Variants in TTC3 observed in about 807,000 individuals in gnomAD.
TTC3 encodes E3 ubiquitin-protein ligase TTC3.
A neutral mutation model predicts 249.6 loss-of-function variants in TTC3; 180 were observed. The observed-to-expected ratio is 0.72, with a 90% CI of 0.64 to 0.82. TTC3 has a LOEUF of 0.82. Ranked by LOEUF, TTC3 falls within the 40% of genes least tolerant of loss-of-function variation. TTC3 has a pLI of 0.00. For missense variants in TTC3, 2,061 were observed against 2,398.4 expected, an observed-to-expected ratio of 0.86 and a Z score of 2.94; for synonymous variants, 717 against 805.0, an observed-to-expected ratio of 0.89 and a Z score of 1.85.
intron 41 of TTC3, chr21:37,193,776 TG>T (rs1290265227): frequency 2.6e-5 from 4 of 152,208 alleles, no homozygotes; most frequent in Admixed American, 2.6e-4. Context: ...CACATGGACT[TG>T]GGGAAAGGCA....
chr21:37,075,166 C>CTTT (rs11418024), intron 1 of TTC3, among the ~76,000 whole-genome samples: 2 of 138,280 alleles, frequency 1.4e-5, no homozygotes, highest in Non-Finnish European at 3.1e-5. Context: ...TTGCAACTTG[C>CTTT]TTTTTTTTTT....
intron 1 of TTC3, among the ~76,000 whole-genome samples, chr21:37,080,422 C>G (rs2071478026): frequency 6.6e-6 from 1 of 150,696 alleles, no homozygotes; most frequent in Admixed American, 6.6e-5. Flanking sequence ...ATTATTAGAA[C>G]TGTTCTGTGT....
intron 1 of TTC3, among the ~76,000 whole-genome samples, chr21:37,078,257 C>T (rs9975168): frequency 0.46 from 69,283 of 151,838 alleles, 16,325 homozygotes; most frequent in Non-Finnish European, 0.52. Context: ...ATAGTTTTAC[C>T]TGAAATCTCG....
In TTC3 at chr21:37,079,517, G is replaced by GTTTTTTTT. The variant is rs60361476; in HGVS notation, c.-12+6180_-12+6187dup. On this transcript the variant is annotated intron_variant, in intron 1 of 45. Coordinates refer to ENST00000355666, the Ensembl canonical transcript of TTC3. ...GTCCTTTCATCAAGTTTATGGTATG[G>GTTTTTTTT]TTTTTTTTTTTTTTTTTTTTTTTTT... Among the ~76,000 whole-genome samples the GTTTTTTTT allele has an allele frequency of 2.0e-4, 18 of 91,222 alleles. 1 individual carries two copies. The highest frequency in any genetic ancestry group is 3.9e-4 in the South Asian group (1 of 2,562). 59.8% of individuals were successfully genotyped at this position (91,222 alleles called of 152,430 possible).
At chr21:37,186,198 T>C (rs2083253447) in intron 37 of TTC3, 1 of 153,636 alleles carries the variant, frequency 6.5e-6, no homozygotes, top group Admixed American at 6.5e-5. Context: ...AAAGTTTCCT[T>C]TTAACCCTTG....
intron 1 of TTC3, among the ~76,000 whole-genome samples, chr21:37,085,636 C>G (rs894903780): frequency 2.0e-5 from 3 of 152,200 alleles, no homozygotes; most frequent in Admixed American, 6.5e-5. Context: ...AGGTAGTGAT[C>G]TGAGGTGTCC....
chr21:37,135,395 A>G (rs1341502689), exon 18 of TTC3: 1 of 1,611,402 alleles, frequency 6.2e-7, no homozygotes, highest in Non-Finnish European at 8.5e-7. Flanking sequence ...TGCTAATATA[A>G]TGAAAATGCT....
intron 11 of TTC3, among the ~76,000 whole-genome samples, chr21:37,113,539 T>C (rs1177224220): frequency 6.6e-6 from 1 of 152,066 alleles, no homozygotes; most frequent in Admixed American, 6.6e-5. Context: ...TAAAAGAGGA[T>C]ACAAACAAAT....
intron 1 of TTC3, among the ~76,000 whole-genome samples, chr21:37,085,044 G>A (rs1343576959): frequency 6.6e-6 from 1 of 152,002 alleles, no homozygotes; most frequent in African/African-American, 2.4e-5. Context: ...ATATACCCCA[G>A]TGTCGTAATT....
intron 9 of TTC3, 124 bp downstream of exon 9, chr21:37,095,568 T>C: frequency 1.6e-6 from 1 of 633,570 alleles, no homozygotes; most frequent in Non-Finnish European, 2.6e-6. Context: ...AGAATAGATT[T>C]TCTCATCCTT....
chr21:37,095,528 G>T, intron 9 of TTC3, 84 bp downstream of exon 9: 2 of 888,112 alleles, frequency 2.3e-6, no homozygotes, highest in Non-Finnish European at 3.4e-6. Flanking sequence ...AAACAAGACG[G>T]AGAATTGGAG....
intron 10 of TTC3, among the ~76,000 whole-genome samples, chr21:37,104,746 G>A (rs1270587572): frequency 6.6e-6 from 1 of 152,186 alleles, no homozygotes; most frequent in Non-Finnish European, 1.5e-5. Flanking sequence ...TTGTAGATGT[G>A]GGTGAGACTG....
intron 13 of TTC3, among the ~76,000 whole-genome samples, chr21:37,123,850 G>A (rs896751678): frequency 7.9e-5 from 12 of 151,892 alleles, no homozygotes; most frequent in African/African-American, 2.9e-4. Flanking sequence ...CCGGGTTCAA[G>A]CGATTCTCCT....
intron 36 of TTC3, among the ~76,000 whole-genome samples, chr21:37,183,282 GATGATTAT>G (rs2082923143): frequency 6.6e-6 from 1 of 152,116 alleles, no homozygotes; most frequent in Non-Finnish European, 1.5e-5. Context: ...AAGATTCTGT[GATGATTAT>G]TTATAATTAC....
At chr21:37,127,405 C>T (rs1406350642) in intron 15 of TTC3, among the ~76,000 whole-genome samples, 2 of 152,070 alleles carry the variant, frequency 1.3e-5, no homozygotes, top group South Asian at 2.1e-4. Flanking sequence ...CGCAGAACCT[C>T]ATTACTTGGC....
At chr21:37,130,745 A>T (rs777869581) in intron 16 of TTC3, among the ~76,000 whole-genome samples, 1 of 151,984 alleles carries the variant, frequency 6.6e-6, no homozygotes, top group Non-Finnish European at 1.5e-5. Flanking sequence ...TAGGCTCTTC[A>T]TTCCTCTTTT....
intron 26 of TTC3, among the ~76,000 whole-genome samples, chr21:37,152,456 G>T (rs887892292): frequency 6.7e-6 from 1 of 149,172 alleles, no homozygotes; most frequent in African/African-American, 2.5e-5. Context: ...GCGCGATCTC[G>T]GCTCACTGCA....
At chr21:37,079,517 G>GTTTTTTTTTTTT (rs60361476) in intron 1 of TTC3, among the ~76,000 whole-genome samples, 2 of 91,224 alleles carry the variant, frequency 2.2e-5, no homozygotes, top group Non-Finnish European at 2.0e-5. Context: ...TTATGGTATG[G>GTTTTTTTTTTTT]TTTTTTTTTT....
chr21:37,187,213 A>G, intron 38 of TTC3, 68 bp downstream of exon 38: 1 of 1,150,124 alleles, frequency 8.7e-7, no homozygotes. Context: ...TTAATGACAT[A>G]TGAGGCATAA....
Sources: allele counts gnomAD v4.1 joint callset (sites outside exome capture counted in the v4.1 genomes callset), GRCh38; gene constraint gnomAD v4.1.1; transcripts MANE v1.5; gene names NCBI Gene and HGNC (gene_info 2026-07-23, HGNC 2026-07-21).